MR1: variants seen among roughly 807,000 people sequenced by gnomAD.
MR1 encodes the protein major histocompatibility complex class I-related protein 1.
MR1 carries 44 observed loss-of-function variants against 37.8 expected under a neutral mutation model. The observed-to-expected ratio is 1.16, with a 90% CI of 0.91 to 1.50. The LOEUF (loss-of-function observed/expected upper bound fraction) is 1.50. Among genes scored for constraint, MR1 ranks in the 40% most tolerant of loss-of-function variants. The pLI, the probability that MR1 is intolerant of heterozygous loss-of-function variation, is 0.00. For missense variants in MR1, 386 were observed against 419.1 expected, an observed-to-expected ratio of 0.92 and a Z score of 0.69; for synonymous variants, 153 against 155.8, an observed-to-expected ratio of 0.98 and a Z score of 0.13.
chr1:181,034,189 G>GT, intron 1 of MR1, 115 bp downstream of exon 1: 3 of 906,876 alleles, frequency 3.3e-6, no homozygotes, highest in Non-Finnish European at 5.0e-6. Flanking sequence ...GCAGAAACGT[G>GT]TATGTATTAC....
chr1:181,045,400 A>G (rs904582750), intron 1 of MR1, among the ~76,000 whole-genome samples: 2 of 151,994 alleles, frequency 1.3e-5, no homozygotes, highest in Admixed American at 6.6e-5. Context: ...CCTCCCAGGC[A>G]TCGCCTCTGC....
chr1:181,050,148 A>G lies in MR1; in HGVS notation c.466A>G (p.Asn156Asp), dbSNP rs1477989258. The change falls in exon 3 of 6, where the codon AAT becomes GAT. Residue 156 changes from asparagine to aspartate, a missense_variant. Transcript: ENST00000367580. ...KDTLSWLAVDNVAHTIKQAWE... is the reference protein window; with the variant it reads ...KDTLSWLAVDDVAHTIKQAWE... Reference sequence around the variant, plus strand: ...CACCCTCTCCTGGCTGGCTGTAGATAATGTGGCTCACACCATCAAGCAGGC... The same window carrying G: ...CACCCTCTCCTGGCTGGCTGTAGATGATGTGGCTCACACCATCAAGCAGGC... The G allele has an allele frequency of 1.2e-6, 2 of 1,614,248 alleles. No homozygotes were observed. The highest frequency in any genetic ancestry group is 4.5e-5 in the East Asian group (2 of 44,884).
In MR1 at chr1:181,050,479, A is replaced by G. The variant is rs1400379446; in HGVS notation, c.604+193A>G. The G allele has an allele frequency of 9.0e-5, 60 of 666,012 alleles. 1 individual carries two copies. Among genetic ancestry groups the G allele is most frequent in the Admixed American group, 2.6e-4 (9 of 34,742 alleles). The allele number at this position is 666,012 out of a possible 1,614,324, so 41.3% of individuals were successfully genotyped here. On this transcript the variant is annotated intron_variant, in intron 3 of 5. Coordinates refer to ENST00000367580, the MANE Select transcript of MR1 (RefSeq NM_001385161.1). ...GAGCAGCATCTTGACAAGATTTGAC[A>G]GTTCCCCTTGTCTTGACAGAGTGGA... is the stretch of plus-strand genomic sequence containing the variant.
At chr1:181,050,901 A>T (rs1214781520) in intron 3 of MR1, 1 of 154,464 alleles carries the variant, frequency 6.5e-6, no homozygotes, top group Non-Finnish European at 1.4e-5. Flanking sequence ...AGGTGGGAGG[A>T]TCTCTTGAGC....
intron 3 of MR1, 102 bp downstream of exon 3, chr1:181,050,388 C>T: frequency 6.8e-7 from 1 of 1,473,822 alleles, no homozygotes; most frequent in Admixed American, 1.9e-5. Flanking sequence ...TGAAAGCCAT[C>T]TCTTTAGTTG....
At chr1:181,052,720 G>A (rs1558121055) in intron 4 of MR1, among the ~76,000 whole-genome samples, 1 of 152,160 alleles carries the variant, frequency 6.6e-6, no homozygotes, top group Non-Finnish European at 1.5e-5. Flanking sequence ...GAGAGCTTTT[G>A]CTGATGTGGG....
At chr1:181,045,953 A>G (rs1657834313) in intron 1 of MR1, among the ~76,000 whole-genome samples, 3 of 152,224 alleles carry the variant, frequency 2.0e-5, no homozygotes, top group Non-Finnish European at 4.4e-5. Flanking sequence ...GGCCCGGGCA[A>G]TGAGGGGCTT....
rs1658795892 is a variant in MR1 at position 181,059,355 on chromosome 1, T to G, written c.*4090T>G. 1 of 152,356 alleles carries G rather than the reference T, an allele frequency of 6.6e-6. No homozygotes were observed. Among genetic ancestry groups the G allele is most frequent in the East Asian group, 1.9e-4 (1 of 5,200 alleles). 9.4% of individuals were successfully genotyped at this position (152,356 alleles called of 1,614,324 possible). ...TCCCTTTCTCCATTGTCCTTCTAGC[T>G]TCTGGTTGCCCCAAACCCCACAGAC... On this transcript the variant is annotated 3_prime_UTR_variant, in exon 6 of 6. Transcript: ENST00000367580.
chr1:181,038,666 A>C (rs1326945925), intron 1 of MR1, among the ~76,000 whole-genome samples: 1 of 152,152 alleles, frequency 6.6e-6, no homozygotes, highest in Non-Finnish European at 1.5e-5. Context: ...TGGCCTGGAA[A>C]GCTTCCCCTA....
chr1:181,041,395 A>G (rs918913595), intron 1 of MR1, among the ~76,000 whole-genome samples: 2 of 152,214 alleles, frequency 1.3e-5, no homozygotes, highest in African/African-American at 4.8e-5. Flanking sequence ...GATCATAAAA[A>G]TAGAAAACCC....
chr1:181,054,992 T>C (rs1658535900), intron 5 of MR1, among the ~76,000 whole-genome samples: 1 of 152,194 alleles, frequency 6.6e-6, no homozygotes, highest in African/African-American at 2.4e-5. Flanking sequence ...AACAAAAAAT[T>C]TTTTTACAAT....
At chr1:181,033,871 T>C, upstream of MR1, 1 of 623,154 alleles carries the variant, frequency 1.6e-6, no homozygotes, top group Non-Finnish European at 2.7e-6. Flanking sequence ...CATTTTATCT[T>C]TTTTTTTTAA....
rs777313529 is a variant in MR1 at position 181,049,312 on chromosome 1, G to T, written c.328G>T (p.Gly110Trp). 4 of 1,612,614 alleles carry T rather than the reference G, an allele frequency of 2.5e-6. No individual in the cohort carries two copies. In the East Asian group the frequency reaches 8.9e-5, roughly 36 times the overall value. ...KRLQRHYNHS[G>W]SHTYQRMIGC... The stretch of plus-strand genomic sequence containing the variant: ...CCTACAGAGGCACTACAATCACTCA[G>T]GTGTGCATGCGGCAGAGACAGACGC... Residue 110 changes from glycine to tryptophan, a missense_variant and splice_region_variant, in exon 2 of 6, where the codon GGG (glycine) becomes TGG (tryptophan). Gly to Trp is a radical substitution (Grantham distance 184). Coordinates refer to ENST00000367580, the MANE Select transcript of MR1 (RefSeq NM_001385161.1).
chr1:181,046,086 C>A (rs1049301604), intron 1 of MR1, among the ~76,000 whole-genome samples: 6 of 152,236 alleles, frequency 3.9e-5, no homozygotes, highest in Non-Finnish European at 8.8e-5. Flanking sequence ...GCTTGGGGAC[C>A]TGCAGCCCGC....
At chr1:181,033,916 T>C (rs997709172), upstream of MR1, 6 of 1,040,562 alleles carry the variant, frequency 5.8e-6, no homozygotes, top group Non-Finnish European at 7.1e-6. Context: ...TCTTCCCCTG[T>C]TCTTATTGGG....
rs1658699621 is a variant in MR1, at chr1:181,057,849, A to T, written c.*2584A>T. 2 of 152,218 alleles carry T rather than the reference A, an allele frequency of 1.3e-5. No individual in the cohort carries two copies. The highest frequency in any genetic ancestry group is 4.8e-5 in the African/African-American group (2 of 41,454). The allele number at this position is 152,218 out of a possible 1,614,324, so 9.4% of individuals were successfully genotyped here. A position where few individuals can be genotyped will look rare whatever the true frequency, so the allele number is the denominator to read the frequency against. On this transcript the variant is annotated 3_prime_UTR_variant, in exon 6 of 6. Coordinates refer to ENST00000367580, the MANE Select transcript of MR1 (RefSeq NM_001385161.1). ...AACATGGAGAAACCCTGTCTCTACC[A>T]AACATACAAAATTAGCCGGGGATGG...
intron 1 of MR1, among the ~76,000 whole-genome samples, chr1:181,034,597 T>C (rs1176661910): frequency 1.3e-5 from 2 of 152,176 alleles, no homozygotes; most frequent in Non-Finnish European, 2.9e-5. Context: ...TTTTTCATTA[T>C]TCGGGGAGCT....
At chr1:181,038,667 G>T (rs944424800) in intron 1 of MR1, among the ~76,000 whole-genome samples, 1 of 152,170 alleles carries the variant, frequency 6.6e-6, no homozygotes, top group Non-Finnish European at 1.5e-5. Flanking sequence ...GGCCTGGAAA[G>T]CTTCCCCTAC....
At chr1:181,033,955 C>A, upstream of MR1, 1 of 1,542,660 alleles carries the variant, frequency 6.5e-7, no homozygotes, top group Non-Finnish European at 8.8e-7. Context: ...CCAAGAGGTT[C>A]TCAGAAGGGA....
Sources: allele counts gnomAD v4.1 joint callset (sites outside exome capture counted in the v4.1 genomes callset), GRCh38; gene constraint gnomAD v4.1.1; transcripts MANE v1.5; gene names NCBI Gene and HGNC (gene_info 2026-07-23, HGNC 2026-07-21).